The following TMEM235 variants were observed in gnomAD, a reference collection of about 807,000 sequenced individuals.
The protein encoded by TMEM235 is transmembrane protein 235.
TMEM235 carries 23 observed loss-of-function variants against 22.9 expected under a neutral mutation model. The observed-to-expected ratio is 1.00, with a 90% CI of 0.72 to 1.42. The LOEUF (loss-of-function observed/expected upper bound fraction) is 1.42. TMEM235 is among the 40% of genes most tolerant of loss of function. The pLI, the probability that TMEM235 is intolerant of heterozygous loss-of-function variation, is 0.00. For synonymous variants in TMEM235, 137 were observed against 140.5 expected (o/e 0.98, Z 0.17); for missense variants, 308 against 299.5 (o/e 1.03, Z -0.21).
chr17:78,234,659 G>A (rs2076623154), exon 4 of TMEM235: 37 of 1,536,058 alleles, frequency 2.4e-5, no homozygotes, highest in Non-Finnish European at 3.2e-5. Context: ...GGCTGGATCT[G>A]CGGCCTGCTC....
chr17:78,238,189 C>G lies in TMEM235; in HGVS notation c.410-835C>G, dbSNP rs2076665084. 6.6e-6 allele frequency among the ~76,000 whole-genome samples: 1 copy of G among 152,238 alleles called. No homozygotes were observed. The highest frequency in any genetic ancestry group is 1.5e-5 in the Non-Finnish European group (1 of 68,038). The stretch of plus-strand genomic sequence containing the variant: ...CAAGCTCAGTGGACAGGAAAATGCC[C>G]TGGAGGCATGGGCCGAGTCCCCTAC... On this transcript the variant is annotated intron_variant, in intron 4 of 5. Coordinates refer to ENST00000421688, the Ensembl canonical transcript of TMEM235. The surrounding 1 kb of genome is among the most constrained non-coding windows in gnomAD (Gnocchi z 4.3).
exon 2 of TMEM235, chr17:78,232,049 T>G: frequency 8.1e-7 from 1 of 1,241,288 alleles, no homozygotes; most frequent in Non-Finnish European, 1.0e-6. Flanking sequence ...GCGCTGCTCC[T>G]GGCCGCCGCC....
chr17:78,233,503 C>G (rs2076606906), intron 2 of TMEM235, among the ~76,000 whole-genome samples: 1 of 152,024 alleles, frequency 6.6e-6, no homozygotes, highest in Non-Finnish European at 1.5e-5. Flanking sequence ...GTCAGGAGAT[C>G]GAGACCACAG....
exon 2 of TMEM235, chr17:78,232,187 A>C: frequency 6.7e-7 from 1 of 1,488,918 alleles, no homozygotes; most frequent in Admixed American, 2.2e-5. Context: ...CTCTCCTCGC[A>C]CTCGGGGCTC....
At chr17:78,234,644 T>C in exon 4 of TMEM235, 1 of 1,536,194 alleles carries the variant, frequency 6.5e-7, no homozygotes, top group Non-Finnish European at 8.7e-7. Flanking sequence ...GTCCTTCTCG[T>C]GTGTGGCTGG....
chr17:78,234,388 T>C (rs1398431052), intron 3 of TMEM235: 2 of 779,096 alleles, frequency 2.6e-6, no homozygotes, highest in Non-Finnish European at 4.4e-6. Flanking sequence ...GGGCTGGGAG[T>C]GTTCTGGGGA....
intron 4 of TMEM235, among the ~76,000 whole-genome samples, chr17:78,236,141 A>G (rs1029764072): frequency 6.6e-5 from 10 of 152,340 alleles, no homozygotes; most frequent in East Asian, 1.9e-4. Context: ...AGCCTGGGAC[A>G]GGGAGGAGCA....
At chr17:78,232,807 G>GGT (rs1359095670) in intron 2 of TMEM235, among the ~76,000 whole-genome samples, 3 of 152,126 alleles carry the variant, frequency 2.0e-5, no homozygotes, top group Non-Finnish European at 2.9e-5. Context: ...GCAGGGCAGG[G>GGT]GTGTGTGTGT....
rs1363930681 is a variant in TMEM235 at position 78,238,978 on chromosome 17, C to T, written c.410-46C>T. ...CTGCAGGACCACCTGGGCCTGGGCC[C>T]GCTAGAGCAGACACCGAGCAGCTGC... On this transcript the variant is annotated intron_variant, in intron 4 of 5. Transcript: ENST00000421688. This position sits in a 1 kb window ranked among gnomAD's most constrained non-coding sequence, Gnocchi z 4.3. The T allele has an allele frequency of 2.5e-5, 38 of 1,512,520 alleles. No homozygotes were observed. Among genetic ancestry groups the T allele is most frequent in the Admixed American group, 6.0e-5 (3 of 50,156 alleles). The allele number at this position is 1,512,520 out of a possible 1,614,324, so 93.7% of individuals were successfully genotyped here.
intron 2 of TMEM235, 117 bp downstream of exon 1, chr17:78,232,330 A>G: frequency 1.0e-6 from 1 of 998,958 alleles, no homozygotes; most frequent in East Asian, 3.3e-5. Context: ...CCTCTCTTGC[A>G]TCCCGCTCTG....
At chr17:78,232,007 T>A (rs8068943) in exon 2 of TMEM235, 1,237,796 of 1,237,896 alleles carry the variant, frequency 1, 618,848 homozygotes, top group Middle Eastern at 1. Context: ...ACCCGTCCCC[T>A]CCCGCCGGCC....
chr17:78,234,506 C>T (rs550310365), intron 3 of TMEM235, 87 bp from the exon 3 acceptor site: 48 of 1,510,966 alleles, frequency 3.2e-5, no homozygotes, highest in South Asian at 2.8e-4. Flanking sequence ...CCTGAGAAGA[C>T]GAAGCACCAC....
intron 3 of TMEM235, 44 bp downstream of exon 2, chr17:78,234,019 C>T (rs1465893197): frequency 3.4e-6 from 5 of 1,452,228 alleles, no homozygotes; most frequent in Non-Finnish European, 4.6e-6. Flanking sequence ...TCCAAATATT[C>T]AGGCAAGGCA....
intron 4 of TMEM235, among the ~76,000 whole-genome samples, chr17:78,236,932 C>A (rs766085194): frequency 2.6e-5 from 4 of 152,224 alleles, no homozygotes; most frequent in Admixed American, 1.3e-4. Context: ...CCTGACCCTG[C>A]GGCCCATCTG....
In TMEM235 at chr17:78,238,729, G is replaced by A. The variant is rs2076672864; in HGVS notation, c.410-295G>A. Among the ~76,000 whole-genome samples, 1 of 151,900 alleles carries A rather than the reference G, an allele frequency of 6.6e-6. No homozygotes were observed. Among genetic ancestry groups the A allele is most frequent in the Non-Finnish European group, 1.5e-5 (1 of 67,970 alleles). On this transcript the variant is annotated intron_variant, in intron 4 of 5. Transcript: ENST00000421688. This position sits in a 1 kb window ranked among gnomAD's most constrained non-coding sequence, Gnocchi z 4.3. The stretch of plus-strand genomic sequence containing the variant: ...GGCACTGTTTGCAGGAGGCTTTATG[G>A]GATGAGGTCTCTGAGGTTTGAGGAC...
intron 5 of TMEM235, 147 bp from the exon 5 acceptor site, chr17:78,239,633 C>A: frequency 7.1e-7 from 1 of 1,415,142 alleles, no homozygotes; most frequent in Non-Finnish European, 9.4e-7. Context: ...GCCCCTCCCC[C>A]AGCAGGCTAG....
exon 6 of TMEM235, chr17:78,240,189 T>A: frequency 4.3e-6 from 3 of 702,726 alleles, no homozygotes; most frequent in South Asian, 4.3e-5. Context: ...CTGGCAGAGA[T>A]GGAAGTCCCA....
At chr17:78,231,705 GA>G in exon 2 of TMEM235, 1 of 1,277,378 alleles carries the variant, frequency 7.8e-7, no homozygotes, top group Non-Finnish European at 1.0e-6. Flanking sequence ...GGAAATTAAG[GA>G]ACGTGCCCAG....
Position 78,239,236 on chromosome 17 carries a change from A to G in TMEM235, c.622A>G (p.Ile208Val), listed in dbSNP as rs201651781. 4.2e-4 allele frequency: 652 copies of G among 1,542,364 alleles called. 5 individuals are homozygous for G. The African/African-American group carries it at 5.8e-3, about 14-fold the overall frequency. ...CTGGACCCTCAGCCTGAGCCCCCCAATCTGTGGTCATCTGAGTCCCCAGCA... is the reference window on the plus strand; with the variant it reads ...CTGGACCCTCAGCCTGAGCCCCCCAGTCTGTGGTCATCTGAGTCCCCAGCA... The change falls in exon 5 of 6, where the codon ATC becomes GTC. Residue 208 changes from isoleucine to valine, a missense_variant. This residue lies in a region of TMEM235 where 285 missense variants were observed against 256.2 expected (regional missense o/e 1.11). Coordinates refer to ENST00000421688, the Ensembl canonical transcript of TMEM235.
Sources: allele counts gnomAD v4.1 joint callset (sites outside exome capture counted in the v4.1 genomes callset), GRCh38; gene constraint gnomAD v4.1.1; regional missense constraint gnomAD v4.1.1; non-coding constraint Gnocchi (gnomAD v3.1); transcripts MANE v1.5; gene names NCBI Gene and HGNC (gene_info 2026-07-23, HGNC 2026-07-21).